The following EXOC6B variants were observed in gnomAD, a reference collection of about 807,000 sequenced individuals.
The protein encoded by EXOC6B is SEC15 homolog B.
Under a neutral mutation model 113.5 loss-of-function variants are expected in EXOC6B, and 54 were observed. That is an observed-to-expected ratio of 0.48 (90% CI 0.38 to 0.60). EXOC6B has a LOEUF of 0.60. EXOC6B is among the 20% of genes least tolerant of loss of function. The pLI, the probability that EXOC6B is intolerant of heterozygous loss-of-function variation, is 0.00. For missense variants in EXOC6B, 797 were observed against 977.5 expected (o/e 0.82, Z 2.46); for synonymous variants, 357 against 339.0 (o/e 1.05, Z -0.58).
At chr2:72,479,349 C>T (rs1018768744) in intron 17 of EXOC6B, among the ~76,000 whole-genome samples, 1 of 151,958 alleles carries the variant, frequency 6.6e-6, no homozygotes, top group African/African-American at 2.4e-5. Context: ...AAATTTTTAT[C>T]TGTCATAAAG....
chr2:72,481,032 G>C (rs531332650), intron 16 of EXOC6B, among the ~76,000 whole-genome samples: 1 of 152,216 alleles, frequency 6.6e-6, no homozygotes, highest in Admixed American at 6.5e-5. Context: ...GAATCATGGG[G>C]GCAGTTTCCC....
At chr2:72,249,138 T>C (rs1682851442) in intron 20 of EXOC6B, among the ~76,000 whole-genome samples, 1 of 152,206 alleles carries the variant, frequency 6.6e-6, no homozygotes, top group South Asian at 2.1e-4. Context: ...TGGTGTAATA[T>C]GCCTGCAGTC....
At chr2:72,576,667 C>T (rs1009733093) in intron 6 of EXOC6B, among the ~76,000 whole-genome samples, 7 of 152,076 alleles carry the variant, frequency 4.6e-5, no homozygotes, top group South Asian at 2.1e-4. Flanking sequence ...GGAAATACTG[C>T]GTCCCATGAA....
intron 8 of EXOC6B, among the ~76,000 whole-genome samples, chr2:72,551,341 G>T (rs925796621): frequency 2.0e-5 from 3 of 151,156 alleles, no homozygotes; most frequent in Non-Finnish European, 4.4e-5. Flanking sequence ...GGGATTACAG[G>T]TGTGTGCCAC....
At chr2:72,275,900 A>G (rs1684782630) in intron 20 of EXOC6B, among the ~76,000 whole-genome samples, 1 of 152,186 alleles carries the variant, frequency 6.6e-6, no homozygotes. Context: ...AATTTCTGTC[A>G]GCAAAGCTGA....
At chr2:72,365,711 G>T (rs1044398124) in intron 19 of EXOC6B, among the ~76,000 whole-genome samples, 2 of 152,142 alleles carry the variant, frequency 1.3e-5, no homozygotes, top group Admixed American at 6.5e-5. Flanking sequence ...GTTTGTAGGG[G>T]AGGCAATTAC....
intron 18 of EXOC6B, among the ~76,000 whole-genome samples, chr2:72,383,589 G>A (rs1691820533): frequency 1.3e-5 from 2 of 152,152 alleles, no homozygotes; most frequent in Middle Eastern, 6.9e-3. Context: ...AAGCAGTGTG[G>A]TGATTCCTCA....
At chr2:72,420,247 T>C (rs1694790594) in intron 18 of EXOC6B, among the ~76,000 whole-genome samples, 1 of 152,226 alleles carries the variant, frequency 6.6e-6, no homozygotes, top group African/African-American at 2.4e-5. Context: ...TCTTTTTTAT[T>C]ATTATTATAC....
chr2:72,449,147 G>C (rs572333014), intron 18 of EXOC6B, among the ~76,000 whole-genome samples: 1 of 152,132 alleles, frequency 6.6e-6, no homozygotes, highest in South Asian at 2.1e-4. Flanking sequence ...TTGAAGTTAT[G>C]TTGCTCATTT....
chr2:72,528,138 C>A (rs1701825990), intron 8 of EXOC6B, among the ~76,000 whole-genome samples: 1 of 151,940 alleles, frequency 6.6e-6, no homozygotes, highest in African/African-American at 2.4e-5. Flanking sequence ...CCCTTAGATT[C>A]TGAAGATTTT....
intron 19 of EXOC6B, among the ~76,000 whole-genome samples, chr2:72,360,575 C>A (rs1163638610): frequency 6.6e-6 from 1 of 151,974 alleles, no homozygotes; most frequent in Non-Finnish European, 1.5e-5. Flanking sequence ...GGAATATGAG[C>A]CATGTGATCG....
chr2:72,729,088 T>G (rs1369226635), intron 5 of EXOC6B, among the ~76,000 whole-genome samples: 1 of 152,086 alleles, frequency 6.6e-6, no homozygotes, highest in Non-Finnish European at 1.5e-5. Context: ...TACACAGATC[T>G]CAAAATGAGG....
At chr2:72,558,629 C>T (rs1470523977) in intron 8 of EXOC6B, among the ~76,000 whole-genome samples, 1 of 152,066 alleles carries the variant, frequency 6.6e-6, no homozygotes, top group South Asian at 2.1e-4. Context: ...ATTAGCTGAG[C>T]GTGGTGGCAC....
intron 1 of EXOC6B, among the ~76,000 whole-genome samples, chr2:72,811,648 G>A (rs897036621): frequency 6.6e-5 from 10 of 152,006 alleles, no homozygotes; most frequent in African/African-American, 2.4e-4. Flanking sequence ...TCTCTCATAA[G>A]TATAGATCAA....
intron 1 of EXOC6B, among the ~76,000 whole-genome samples, chr2:72,785,353 A>T (rs1684310566): frequency 6.6e-6 from 1 of 152,202 alleles, no homozygotes; most frequent in African/African-American, 2.4e-5. Flanking sequence ...TCGCAGCTCC[A>T]CTAGGCAGTG....
chr2:72,426,851 C>A (rs1233829715), intron 18 of EXOC6B, among the ~76,000 whole-genome samples: 1 of 152,254 alleles, frequency 6.6e-6, no homozygotes, highest in Non-Finnish European at 1.5e-5. Flanking sequence ...CCGCTGCTAC[C>A]ACTCCAGCTG....
chr2:72,643,407 T>C (rs1673421787), intron 6 of EXOC6B, among the ~76,000 whole-genome samples: 1 of 147,780 alleles, frequency 6.8e-6, no homozygotes, highest in Non-Finnish European at 1.5e-5. Context: ...ATGTGGCACA[T>C]ATACACCATG....
chr2:72,407,426 A>G (rs912108213), intron 18 of EXOC6B, among the ~76,000 whole-genome samples: 24 of 152,378 alleles, frequency 1.6e-4, no homozygotes, highest in Non-Finnish European at 3.1e-4. Context: ...AGAGAATTTT[A>G]GACCAATATC....
chr2:72,757,255 T>C (rs1682474398), intron 1 of EXOC6B, among the ~76,000 whole-genome samples: 1 of 152,160 alleles, frequency 6.6e-6, no homozygotes, highest in Non-Finnish European at 1.5e-5. Flanking sequence ...CTTAAAACAA[T>C]AATGTGGCGG....
Sources: allele counts gnomAD v4.1 joint callset (sites outside exome capture counted in the v4.1 genomes callset), GRCh38; gene constraint gnomAD v4.1.1; transcripts MANE v1.5; gene names NCBI Gene and HGNC (gene_info 2026-07-23, HGNC 2026-07-21).